The following PPEF2 variants were observed in gnomAD, a reference collection of about 807,000 sequenced individuals.
The protein encoded by PPEF2 is serine/threonine-protein phosphatase with EF-hands 2.
In PPEF2, 84 loss-of-function variants were observed where a neutral mutation model predicts 84.7. The observed-to-expected ratio is 0.99, with a 90% CI of 0.83 to 1.19. The LOEUF (loss-of-function observed/expected upper bound fraction) is 1.19. Among genes scored for constraint, PPEF2 ranks in the 50% most tolerant of loss-of-function variants. PPEF2 has a pLI of 0.00. For missense variants in PPEF2, 924 were observed against 937.5 expected, an observed-to-expected ratio of 0.99 and a Z score of 0.19; for synonymous variants, 346 against 345.2, an observed-to-expected ratio of 1.00 and a Z score of -0.03.
Position 75,876,365 on chromosome 4 carries a change from C to T in PPEF2, c.1242G>A (p.Glu414=). 2 of 1,614,136 alleles carry T rather than the reference C, an allele frequency of 1.2e-6. No individual in the cohort carries two copies. Among genetic ancestry groups the T allele is most frequent in the South Asian group, 2.2e-5 (2 of 91,082 alleles). The change falls in exon 11 of 17, where the codon GAG becomes GAA. Residue 414 remains glutamate, a synonymous_variant. Coordinates refer to ENST00000286719, the MANE Select transcript of PPEF2 (RefSeq NM_006239.3). Reference sequence around the variant, plus strand: ...CTTCTGAGGCTGAGCGGGAGGGCTCCTCTTTCTCTCCGGTCACCAGGAGGC... The same window carrying T: ...CTTCTGAGGCTGAGCGGGAGGGCTCTTCTTTCTCTCCGGTCACCAGGAGGC... The part of the protein sequence containing the change: ...QAGLLVTGEK[E]EPSRSASEAD...
chr4:75,902,097 T>G (rs917372284), intron 1 of PPEF2, 133 bp downstream of exon 1: 3 of 152,122 alleles, frequency 2.0e-5, no homozygotes, highest in Admixed American at 2.0e-4. Context: ...TCTGGATGAG[T>G]TGATAGATAA....
At chr4:75,861,032 A>T in intron 16 of PPEF2, 112 bp from the exon 17 acceptor site, 1 of 1,234,850 alleles carries the variant, frequency 8.1e-7, no homozygotes, top group Non-Finnish European at 1.1e-6. Context: ...AGAGACACAC[A>T]AATCCTAGTA....
At chr4:75,868,757 C>T (rs767405007) in intron 13 of PPEF2, among the ~76,000 whole-genome samples, 8 of 152,098 alleles carry the variant, frequency 5.3e-5, no homozygotes, top group Non-Finnish European at 1.2e-4. Context: ...AATCCCAGCA[C>T]TTTGGGAGGC....
At chr4:75,895,059 A>G (rs961748948) in intron 2 of PPEF2, among the ~76,000 whole-genome samples, 1 of 152,056 alleles carries the variant, frequency 6.6e-6, no homozygotes, top group African/African-American at 2.4e-5. Context: ...TGCTCAAGCA[A>G]TCCTCCCACC....
chr4:75,900,333 A>G (rs899184205), intron 1 of PPEF2, among the ~76,000 whole-genome samples: 1 of 152,230 alleles, frequency 6.6e-6, no homozygotes, highest in African/African-American at 2.4e-5. Context: ...AGCATTGCCT[A>G]GAGTAAGGAA....
chr4:75,880,171 C>T (rs529563466), intron 10 of PPEF2, among the ~76,000 whole-genome samples: 2 of 152,328 alleles, frequency 1.3e-5, no homozygotes, highest in Admixed American at 1.3e-4. Flanking sequence ...CTCCAAGCAG[C>T]ATCCCTAACT....
chr4:75,878,622 A>G (rs1306523405), intron 10 of PPEF2, among the ~76,000 whole-genome samples: 2 of 152,214 alleles, frequency 1.3e-5, no homozygotes, highest in Non-Finnish European at 2.9e-5. Context: ...ATTATCTGAC[A>G]TTGGACAAGC....
Position 75,896,039 on chromosome 4 carries a change from A to T in PPEF2, c.55+232T>A, listed in dbSNP as rs930713108. ...TTCATTTGTACCTGGGTAGTTTGGG[A>T]TCAACCCCAATGGACAACACTAACT... On this transcript the variant is annotated intron_variant, in intron 2 of 16. Transcript: ENST00000286719. Among the ~76,000 whole-genome samples the T allele has an allele frequency of 3.3e-5, 5 of 152,204 alleles. No individual in the cohort carries two copies. The South Asian group carries it at 1.0e-3, about 32-fold the overall frequency.
At chr4:75,862,908 CA>C (rs1316013850) in intron 16 of PPEF2, among the ~76,000 whole-genome samples, 2 of 152,170 alleles carry the variant, frequency 1.3e-5, no homozygotes, top group East Asian at 1.9e-4. Context: ...CAAAGTCAAT[CA>C]ACTAATGACT....
At chr4:75,884,952 G>T in intron 7 of PPEF2, 192 bp from the exon 8 acceptor site, 2 of 513,926 alleles carry the variant, frequency 3.9e-6, no homozygotes, top group Non-Finnish European at 6.7e-6. Context: ...TTTCCAGAGA[G>T]GCTAAGGTTA....
chr4:75,878,228 G>A (rs961621223), intron 10 of PPEF2, among the ~76,000 whole-genome samples: 5 of 152,164 alleles, frequency 3.3e-5, no homozygotes, highest in African/African-American at 7.2e-5. Flanking sequence ...TCTCACTTGC[G>A]GTCATCATGG....
chr4:75,864,549 C>T (rs756878449), intron 15 of PPEF2, 22 bp from the exon 16 acceptor site: 6 of 1,555,604 alleles, frequency 3.9e-6, no homozygotes, highest in East Asian at 2.2e-5. Context: ...AATTCATTTT[C>T]CTTCTTTGTC....
At chr4:75,898,784 A>G (rs1308312065) in intron 1 of PPEF2, among the ~76,000 whole-genome samples, 2 of 152,004 alleles carry the variant, frequency 1.3e-5, no homozygotes, top group Non-Finnish European at 2.9e-5. Context: ...ATTCTGATAC[A>G]TGTATACATT....
At chr4:75,901,823 G>T (rs1009674184) in intron 1 of PPEF2, among the ~76,000 whole-genome samples, 1 of 152,174 alleles carries the variant, frequency 6.6e-6, no homozygotes, top group Non-Finnish European at 1.5e-5. Flanking sequence ...TTAGCTAGGG[G>T]TGGTAGTGCA....
At position 75,860,484 on chromosome 4, in the gene PPEF2, T is replaced by A; in HGVS notation, c.*183A>T. ...GGTGGGGTTGGGGCACTCATATACT[T>A]AAAACACATACATACACAACACCCC... On this transcript the variant is annotated 3_prime_UTR_variant, in exon 17 of 17. Coordinates refer to ENST00000286719, the MANE Select transcript of PPEF2 (RefSeq NM_006239.3). The A allele has an allele frequency of 1.4e-6, 1 of 735,300 alleles. No individual in the cohort carries two copies. Among genetic ancestry groups the A allele is most frequent in the Non-Finnish European group, 2.2e-6 (1 of 461,554 alleles). The allele number at this position is 735,300 out of a possible 1,614,324, so 45.5% of individuals were successfully genotyped here. A position where few individuals can be genotyped will look rare whatever the true frequency, so the allele number is the denominator to read the frequency against.
Position 75,860,809 on chromosome 4 carries a change from T to C in PPEF2, c.2120A>G (p.Asn707Ser), listed in dbSNP as rs1254287356. The change falls in exon 17 of 17, where the codon AAC becomes AGC. Residue 707 changes from asparagine (N) to serine (S), a missense_variant. Transcript: ENST00000286719. ...ATTGATATCAATGTGGCCATCTTTGTTGAAATCAATGCTCCGAGCAAGGTC... is the reference window on the plus strand; with the variant it reads ...ATTGATATCAATGTGGCCATCTTTGCTGAAATCAATGCTCCGAGCAAGGTC... ...ICDLARSIDF[N>S]KDGHIDINEF... 1.2e-6 allele frequency: 2 copies of C among 1,614,138 alleles called. No homozygotes were observed. The highest frequency in any genetic ancestry group is 2.2e-5 in the East Asian group (1 of 44,892).
chr4:75,889,545 C>G (rs1724823418), intron 5 of PPEF2, among the ~76,000 whole-genome samples: 1 of 152,324 alleles, frequency 6.6e-6, no homozygotes, highest in Admixed American at 6.5e-5. Context: ...TTTTCCATAG[C>G]TCTCATCGCC....
In PPEF2 at chr4:75,891,940, G is replaced by A. The variant is rs769063784; in HGVS notation, c.94C>T (p.Arg32Cys). ...CTCATCTCCAGGCGGGCCACGTAGC[G>A]CCGGTACCATCTCTGGATCAGGGCT... ...AAALIQRWYR[R>C]YVARLEMRRR... Residue 32 changes from arginine (R) to cysteine (C), a missense_variant, in exon 3 of 17, where the codon CGC becomes TGC. Physicochemically the swap from Arg to Cys is radical, Grantham distance 180 (BLOSUM62 -3). Coordinates refer to ENST00000286719, the MANE Select transcript of PPEF2 (RefSeq NM_006239.3). 9.9e-6 allele frequency: 16 copies of A among 1,614,098 alleles called. No individual in the cohort carries two copies. In the East Asian group the frequency reaches 1.3e-4, roughly 13 times the overall value.
Position 75,876,594 on chromosome 4 carries a change from C to T in PPEF2, c.1013G>A (p.Ser338Asn). The T allele has an allele frequency of 6.2e-7, 1 of 1,612,640 alleles. No individual in the cohort carries two copies. The highest frequency in any genetic ancestry group is 8.5e-7 in the Non-Finnish European group (1 of 1,179,270). The change falls in exon 11 of 17, where the codon AGC (serine) becomes AAC (asparagine). Residue 338 changes from serine (S) to asparagine (N), a missense_variant. Coordinates refer to ENST00000286719, the MANE Select transcript of PPEF2 (RefSeq NM_006239.3). ...CCATGGGATGGGTCCCTGTGCAGAGCTCTTCTGGTTGGCTCTTCTCTTCTC... is the reference window on the plus strand; with the variant it reads ...CCATGGGATGGGTCCCTGTGCAGAGTTCTTCTGGTTGGCTCTTCTCTTCTC... Reference protein sequence around the residue: ...MEEKRRANQKSSAQGPIPWFL... With the variant: ...MEEKRRANQKNSAQGPIPWFL...
Sources: allele counts gnomAD v4.1 joint callset (sites outside exome capture counted in the v4.1 genomes callset), GRCh38; gene constraint gnomAD v4.1.1; transcripts MANE v1.5; gene names NCBI Gene and HGNC (gene_info 2026-07-23, HGNC 2026-07-21).